The following SSH2 variants were observed in gnomAD, a reference collection of about 807,000 sequenced individuals.
The protein encoded by SSH2 is slingshot protein phosphatase 2, also known as protein phosphatase Slingshot homolog 2.
Under a neutral mutation model 135.2 loss-of-function variants are expected in SSH2, and 37 were observed. That is an observed-to-expected ratio of 0.27 (90% CI 0.21 to 0.36). SSH2 has a LOEUF of 0.36. Ranked by LOEUF, SSH2 falls within the 10% of genes least tolerant of loss-of-function variation. The pLI, the probability that SSH2 is intolerant of heterozygous loss-of-function variation, is 1.00. For missense variants in SSH2, 1,408 were observed against 1,765.3 expected, an observed-to-expected ratio of 0.80 and a Z score of 3.63; for synonymous variants, 628 against 646.2, an observed-to-expected ratio of 0.97 and a Z score of 0.43.
chr17:29,633,762 AC>A (rs1192636540), intron 15 of SSH2, among the ~76,000 whole-genome samples: 1 of 152,258 alleles, frequency 6.6e-6, no homozygotes, highest in African/African-American at 2.4e-5. Flanking sequence ...TGTAAAAAAA[AC>A]AAAAGAATAT....
chr17:29,911,325 C>T (rs527339592), intron 1 of SSH2, among the ~76,000 whole-genome samples: 4 of 152,252 alleles, frequency 2.6e-5, no homozygotes, highest in Admixed American at 1.3e-4. Context: ...ATGCCCAAAA[C>T]CATTTACTTT....
intron 1 of SSH2, among the ~76,000 whole-genome samples, chr17:29,881,686 G>A (rs185838251): frequency 0.01 from 1,559 of 152,124 alleles, 10 homozygotes; most frequent in Non-Finnish European, 0.016. Context: ...ATTTTTAGTA[G>A]AGATGGGGTT....
chr17:29,672,302 C>A (rs2037527353), intron 8 of SSH2, among the ~76,000 whole-genome samples, 173 bp from the exon 9 acceptor site: 2 of 152,290 alleles, frequency 1.3e-5, no homozygotes, highest in South Asian at 4.1e-4. Flanking sequence ...TATCTATCCA[C>A]AGCAATGGAC....
intron 2 of SSH2, among the ~76,000 whole-genome samples, chr17:29,846,960 T>C (rs55758314): frequency 0.42 from 63,623 of 151,988 alleles, 15,217 homozygotes; most frequent in East Asian, 0.69. Flanking sequence ...AACAATCAAA[T>C]CTGTAAAAAA....
chr17:29,724,229 G>C (rs1317585290), intron 3 of SSH2, among the ~76,000 whole-genome samples: 1 of 152,148 alleles, frequency 6.6e-6, no homozygotes, highest in Non-Finnish European at 1.5e-5. Flanking sequence ...TTAAAATGTG[G>C]ATGTCAGAAC....
At chr17:29,841,112 G>A (rs2043033972) in intron 2 of SSH2, among the ~76,000 whole-genome samples, 1 of 152,150 alleles carries the variant, frequency 6.6e-6, no homozygotes, top group Non-Finnish European at 1.5e-5. Flanking sequence ...AGTAGTGACT[G>A]AAAGGAGCAA....
intron 2 of SSH2, among the ~76,000 whole-genome samples, chr17:29,796,765 A>G (rs977324659): frequency 7.9e-5 from 12 of 152,002 alleles, no homozygotes; most frequent in Non-Finnish European, 1.3e-4. Context: ...TAAATGCATA[A>G]TAATTAATTA....
At chr17:29,645,402 A>C (rs928850707) in intron 14 of SSH2, 1 of 152,198 alleles carries the variant, frequency 6.6e-6, no homozygotes, top group African/African-American at 2.4e-5. Context: ...GAAAGGGAAG[A>C]AAAGGTGATT....
At chr17:29,674,596 T>TC (rs1285265935) in intron 8 of SSH2, among the ~76,000 whole-genome samples, 4 of 152,132 alleles carry the variant, frequency 2.6e-5, no homozygotes, top group Non-Finnish European at 5.9e-5. Context: ...TCTATTTTTT[T>TC]CCCCCTGTGA....
intron 9 of SSH2, among the ~76,000 whole-genome samples, chr17:29,669,100 T>C (rs2037388693): frequency 6.6e-6 from 1 of 151,704 alleles, no homozygotes; most frequent in Admixed American, 6.6e-5. Flanking sequence ...AATACAAAAA[T>C]TAGCCGGGCA....
chr17:29,712,776 C>G (rs553505131), intron 3 of SSH2, among the ~76,000 whole-genome samples: 7 of 152,210 alleles, frequency 4.6e-5, no homozygotes, highest in African/African-American at 1.7e-4. Flanking sequence ...TGTACTCCAG[C>G]CTGGGTGACA....
intron 11 of SSH2, among the ~76,000 whole-genome samples, chr17:29,664,892 A>G (rs1051803087): frequency 1.3e-5 from 2 of 152,170 alleles, no homozygotes; most frequent in Non-Finnish European, 2.9e-5. Flanking sequence ...GGCACCAGAG[A>G]CACAGGGAAG....
chr17:29,648,203 G>C lies in SSH2; in HGVS notation c.1368C>G (p.Thr456=), dbSNP rs780365263. 3.0e-5 allele frequency: 48 copies of C among 1,613,994 alleles called. 1 individual carries two copies. In the South Asian group the frequency reaches 4.9e-4, roughly 17 times the overall value. ...YDYVKERRTV[T]KPNPSFMRQL... is the part of the protein sequence containing the mutation. Reference sequence around the variant, plus strand: ...GTCTCATGAAGCTTGGGTTGGGCTTGGTTACCGTTCGTCTTTCTTTCACAT... The same window carrying C: ...GTCTCATGAAGCTTGGGTTGGGCTTCGTTACCGTTCGTCTTTCTTTCACAT... Residue 456 remains threonine (T), a synonymous_variant, in exon 14 of 16, where the codon ACC becomes ACG. Coordinates refer to ENST00000540801, the MANE Select transcript of SSH2 (RefSeq NM_001282129.2).
intron 3 of SSH2, among the ~76,000 whole-genome samples, chr17:29,730,577 A>G (rs1835061168): frequency 6.6e-6 from 1 of 151,792 alleles, no homozygotes; most frequent in Admixed American, 6.6e-5. Flanking sequence ...TTGGGACTAC[A>G]GATGTGTGCC....
intron 1 of SSH2, among the ~76,000 whole-genome samples, chr17:29,874,822 T>TGATG (rs2066000554): frequency 6.6e-6 from 1 of 152,198 alleles, no homozygotes; most frequent in South Asian, 2.1e-4. Flanking sequence ...GAATTCTCTG[T>TGATG]GATTGTCAGA....
At chr17:29,908,874 C>G (rs778825507) in intron 1 of SSH2, among the ~76,000 whole-genome samples, 7 of 150,426 alleles carry the variant, frequency 4.7e-5, no homozygotes, top group African/African-American at 1.7e-4. Context: ...GTCAGGAGAT[C>G]GAGACCATCC....
At chr17:29,805,629 C>T (rs193268179) in intron 2 of SSH2, among the ~76,000 whole-genome samples, 1 of 152,210 alleles carries the variant, frequency 6.6e-6, no homozygotes, top group East Asian at 1.9e-4. Flanking sequence ...TGAGCCCCTG[C>T]TTAGAAAACA....
chr17:29,673,650 G>A (rs1168124039), intron 8 of SSH2, among the ~76,000 whole-genome samples: 1 of 151,830 alleles, frequency 6.6e-6, no homozygotes, highest in African/African-American at 2.4e-5. Flanking sequence ...GGACCTCACA[G>A]AAAAGGCAGA....
intron 14 of SSH2, chr17:29,645,523 C>T (rs1007459206): frequency 2.0e-5 from 3 of 152,038 alleles, no homozygotes; most frequent in African/African-American, 7.2e-5. Flanking sequence ...CTTGCAGAAG[C>T]CTGGGATTCC....
Sources: gnomAD v4.1 joint callset for allele counts (sites outside exome capture counted in the v4.1 genomes callset) on GRCh38, gnomAD v4.1.1 for gene constraint, MANE v1.5 for transcripts, NCBI Gene and HGNC (gene_info 2026-07-23, HGNC 2026-07-21) for gene names.